The following TBC1D5 variants were observed in gnomAD, a reference collection of about 807,000 sequenced individuals.
TBC1D5 encodes the protein TBC1 domain family member 5.
In TBC1D5, 75 loss-of-function variants were observed where a neutral mutation model predicts 100.3. That is an observed-to-expected ratio of 0.75 (90% CI 0.62 to 0.91). The LOEUF (loss-of-function observed/expected upper bound fraction) is 0.91, where lower values mean the gene tolerates loss of function less well. TBC1D5 is among the 40% of genes least tolerant of loss of function. The pLI is 0.00. For synonymous variants in TBC1D5, 323 were observed against 325.6 expected, an observed-to-expected ratio of 0.99 and a Z score of 0.09; for missense variants, 910 against 942.4, an observed-to-expected ratio of 0.97 and a Z score of 0.45.
chr3:17,380,067 G>A (rs1024147578), intron 9 of TBC1D5, among the ~76,000 whole-genome samples: 1 of 149,494 alleles, frequency 6.7e-6, no homozygotes, highest in Non-Finnish European at 1.5e-5. Context: ...GTGTGTGTGT[G>A]TGTGTGTGTG....
At chr3:17,711,991 A>G (rs2074786855) in intron 1 of TBC1D5, among the ~76,000 whole-genome samples, 1 of 152,250 alleles carries the variant, frequency 6.6e-6, no homozygotes, top group South Asian at 2.1e-4. Flanking sequence ...CCAAAGAACA[A>G]CAATGTAAAA....
At chr3:17,630,352 A>T (rs139320150) in intron 1 of TBC1D5, among the ~76,000 whole-genome samples, 27 of 152,372 alleles carry the variant, frequency 1.8e-4, no homozygotes, top group African/African-American at 5.8e-4. Context: ...TTTTTCCAAC[A>T]GTATGTGCTC....
At chr3:17,485,854 C>A (rs1306891493) in intron 3 of TBC1D5, among the ~76,000 whole-genome samples, 1 of 152,082 alleles carries the variant, frequency 6.6e-6, no homozygotes, top group Non-Finnish European at 1.5e-5. Flanking sequence ...TGGGTATATA[C>A]CCAGTAATGG....
rs373286206 is a variant in TBC1D5 at position 17,652,823 on chromosome 3, CAT to C, written c.-100-28912_-100-28911del. Among the ~76,000 whole-genome samples the C allele has an allele frequency of 1.8e-3, 272 of 152,200 alleles. 1 individual carries two copies. The highest frequency in any genetic ancestry group is 6.2e-3 in the African/African-American group (256 of 41,550). ...GCACTAGGAAGTTTGTTAGAATTACCATATGACCCAACAATTCAACAAGTAAA... is the reference window on the plus strand; with the variant it reads ...GCACTAGGAAGTTTGTTAGAATTACCATGACCCAACAATTCAACAAGTAAA... On this transcript the variant is annotated intron_variant, in intron 1 of 21. Coordinates refer to ENST00000253692, the Ensembl canonical transcript of TBC1D5.
chr3:17,395,272 C>A (rs2093468725), intron 8 of TBC1D5, among the ~76,000 whole-genome samples: 1 of 152,036 alleles, frequency 6.6e-6, no homozygotes. Context: ...CCAAAAACAT[C>A]TTTCTGTTCC....
intron 4 of TBC1D5, among the ~76,000 whole-genome samples, chr3:17,418,244 T>A (rs1199611173): frequency 1.3e-5 from 2 of 152,194 alleles, no homozygotes; most frequent in African/African-American, 2.4e-5. Flanking sequence ...TTGTCAACTA[T>A]TTCATGATTA....
chr3:17,448,204 A>C (rs2094843075), intron 3 of TBC1D5, among the ~76,000 whole-genome samples: 1 of 152,218 alleles, frequency 6.6e-6, no homozygotes, highest in Non-Finnish European at 1.5e-5. Context: ...TAACATCTTC[A>C]GTGCCCGCTT....
At chr3:17,633,959 GAA>G (rs1448196427) in intron 1 of TBC1D5, among the ~76,000 whole-genome samples, 1 of 152,070 alleles carries the variant, frequency 6.6e-6, no homozygotes, top group Non-Finnish European at 1.5e-5. Flanking sequence ...ATATGAATAT[GAA>G]AAGGTGCTCA....
intron 15 of TBC1D5, among the ~76,000 whole-genome samples, chr3:17,264,425 T>C (rs116620179): frequency 0.011 from 1,725 of 152,312 alleles, 31 homozygotes; most frequent in African/African-American, 0.036. Context: ...CAGCAGAGTA[T>C]ATTTCAAAGG....
At chr3:17,700,281 G>A (rs1292483209) in intron 1 of TBC1D5, among the ~76,000 whole-genome samples, 1 of 152,020 alleles carries the variant, frequency 6.6e-6, no homozygotes, top group Non-Finnish European at 1.5e-5. Context: ...GCCATATGGA[G>A]AAAGCTGAAA....
At chr3:17,200,643 T>G (rs549067781) in intron 18 of TBC1D5, among the ~76,000 whole-genome samples, 1 of 152,358 alleles carries the variant, frequency 6.6e-6, no homozygotes, top group South Asian at 2.1e-4. Flanking sequence ...TGGTAACAAT[T>G]CTAAGGGAAA....
rs1335066707 is a variant in TBC1D5 at position 17,287,480 on chromosome 3, T to C, written c.1245+4415A>G. ...GCCAGGAATCCGAGGAGGGAATGAA[T>C]AGATAGAACAGTCATGATGCCACTC... is the stretch of plus-strand genomic sequence containing the variant. On this transcript the variant is annotated intron_variant, in intron 15 of 21. Transcript: ENST00000253692. Among the ~76,000 whole-genome samples the C allele has an allele frequency of 2.6e-5, 4 of 152,164 alleles. No homozygotes were observed. In the East Asian group the frequency reaches 7.7e-4, roughly 29 times the overall value.
intron 2 of TBC1D5, among the ~76,000 whole-genome samples, chr3:17,575,942 C>T (rs1462458599): frequency 5.3e-5 from 8 of 151,984 alleles, no homozygotes; most frequent in Non-Finnish European, 1.5e-5. Flanking sequence ...AATGAATATG[C>T]AAATATTTTA....
intron 4 of TBC1D5, among the ~76,000 whole-genome samples, chr3:17,410,403 C>T (rs2093892522): frequency 6.6e-6 from 1 of 152,156 alleles, no homozygotes; most frequent in Non-Finnish European, 1.5e-5. Flanking sequence ...TGTCTGCTAA[C>T]ACAACATCCA....
At chr3:17,676,919 T>G (rs1385820139) in intron 1 of TBC1D5, among the ~76,000 whole-genome samples, 1 of 152,210 alleles carries the variant, frequency 6.6e-6, no homozygotes, top group Non-Finnish European at 1.5e-5. Context: ...CCCTATTTAA[T>G]AAATGGTGCT....
At chr3:17,662,473 T>C (rs191196710) in intron 1 of TBC1D5, among the ~76,000 whole-genome samples, 2 of 152,344 alleles carry the variant, frequency 1.3e-5, no homozygotes, top group African/African-American at 4.8e-5. Flanking sequence ...CTGTTTAAAA[T>C]ATTTTACAGC....
At chr3:17,389,776 A>G (rs2093294983) in intron 8 of TBC1D5, among the ~76,000 whole-genome samples, 1 of 152,148 alleles carries the variant, frequency 6.6e-6, no homozygotes, top group Non-Finnish European at 1.5e-5. Context: ...TGCAGTGGTA[A>G]GTTGGTGTTG....
chr3:17,402,164 T>C (rs1200407915), intron 8 of TBC1D5, among the ~76,000 whole-genome samples: 1 of 152,200 alleles, frequency 6.6e-6, no homozygotes, highest in Non-Finnish European at 1.5e-5. Context: ...GAAATTGTAT[T>C]TGTTAAATAT....
rs2094879523 is a variant in TBC1D5, at chr3:17,449,617, AG to A, written c.98-21099del. On this transcript the variant is annotated intron_variant, in intron 3 of 21. Coordinates refer to ENST00000253692, the Ensembl canonical transcript of TBC1D5. Reference sequence around the variant, plus strand: ...CCCTCAGAGTATAAAGAAAGCCATCAGTAAGTTCGAACTGGGAACCCACTGC... The same window carrying A: ...CCCTCAGAGTATAAAGAAAGCCATCATAAGTTCGAACTGGGAACCCACTGC... Among the ~76,000 whole-genome samples the A allele has an allele frequency of 7.2e-5, 11 of 152,316 alleles. 1 individual carries two copies. The South Asian group carries it at 2.1e-3, about 29-fold the overall frequency.
Sources: gnomAD v4.1 joint callset for allele counts (sites outside exome capture counted in the v4.1 genomes callset) on GRCh38, gnomAD v4.1.1 for gene constraint, MANE v1.5 for transcripts, NCBI Gene and HGNC (gene_info 2026-07-23, HGNC 2026-07-21) for gene names.